The following NRG4 variants were observed in gnomAD, a reference collection of about 807,000 sequenced individuals.
NRG4 encodes neuregulin 4, also known as pro-neuregulin-4, membrane-bound isoform.
A neutral mutation model predicts 15.0 loss-of-function variants in NRG4; 10 were observed. That is an observed-to-expected ratio of 0.67 (90% CI 0.41 to 1.13). The LOEUF (loss-of-function observed/expected upper bound fraction) is 1.13. Ranked by LOEUF, NRG4 falls within the 50% of genes most tolerant of loss-of-function variation. The pLI is 0.00. For missense variants in NRG4, 139 were observed against 140.2 expected (o/e 0.99, Z 0.04); for synonymous variants, 41 against 50.1 (o/e 0.82, Z 0.77).
rs375638068 is a variant in NRG4, at chr15:76,009,259, C to A, written c.45G>T (p.Ser15=). 2 of 1,601,990 alleles carry A rather than the reference C, an allele frequency of 1.2e-6. No homozygotes were observed. The highest frequency in any genetic ancestry group is 1.7e-5 in the Admixed American group (1 of 58,850). ...AACAAAGCCCCCCATTCAGGCAAAA[C>A]GACTTGTGACTGGGACCACAGGGCT... ...HEEPCGPSHK[S]FCLNGGLCYV... Residue 15 remains serine (S), a synonymous_variant, in exon 3 of 6, where the codon TCG becomes TCT. Transcript: ENST00000394907.
At chr15:76,006,616 T>G (rs575379844) in intron 3 of NRG4, among the ~76,000 whole-genome samples, 1 of 152,320 alleles carries the variant, frequency 6.6e-6, no homozygotes, top group East Asian at 1.9e-4. Context: ...TGTTGTGCAA[T>G]GTGGTGACCT....
At chr15:76,028,271 GA>G (rs1567118725) in intron 5 of NRG4, among the ~76,000 whole-genome samples, 1 of 151,322 alleles carries the variant, frequency 6.6e-6, no homozygotes, top group Non-Finnish European at 1.5e-5. Flanking sequence ...GCTAAACTAA[GA>G]AAAAAGAAAA....
At chr15:75,984,280 G>A (rs1210421771) in intron 3 of NRG4, among the ~76,000 whole-genome samples, 2 of 151,336 alleles carry the variant, frequency 1.3e-5, no homozygotes, top group African/African-American at 4.9e-5. Context: ...GGCCTTGCAT[G>A]TGTCACGGCA....
At chr15:75,945,274 AT>A (rs949705067) in intron 5 of NRG4, among the ~76,000 whole-genome samples, 43 of 18,960 alleles carry the variant, frequency 2.3e-3, no homozygotes, top group East Asian at 0.013. Context: ...TTTTTATTTT[AT>A]TTTTTTTGTG....
intron 3 of NRG4, among the ~76,000 whole-genome samples, chr15:75,982,378 A>C (rs2033640543): frequency 1.3e-5 from 2 of 152,226 alleles, no homozygotes; most frequent in Non-Finnish European, 2.9e-5. Flanking sequence ...AGAGAAAAAA[A>C]CATGATCATG....
chr15:76,042,057 T>C (rs2035755802), intron 4 of NRG4, among the ~76,000 whole-genome samples: 1 of 151,966 alleles, frequency 6.6e-6, no homozygotes, highest in East Asian at 1.9e-4. Flanking sequence ...ACATGGAAAT[T>C]AAACAATATG....
intron 2 of NRG4, among the ~76,000 whole-genome samples, chr15:76,054,772 T>C (rs1225549092): frequency 1.3e-5 from 2 of 152,122 alleles, no homozygotes; most frequent in East Asian, 3.8e-4. Context: ...TATATACCAA[T>C]AGAAAATAAA....
rs1417005295 is a variant in NRG4 at position 76,047,547 on chromosome 15, A to G, written c.-105+4520T>C. On this transcript the variant is annotated intron_variant, in intron 4 of 8. Transcript: ENST00000563910. ...CAGAAAGACAAATATGTTCTCACTC[A>G]TATATAGAAGCTAAAAAAAATGAAT... 2.0e-5 allele frequency among the ~76,000 whole-genome samples: 3 copies of G among 150,864 alleles called. 1 individual carries two copies. Among genetic ancestry groups the G allele is most frequent in the Non-Finnish European group, 4.4e-5 (3 of 67,898 alleles).
intron 4 of NRG4, among the ~76,000 whole-genome samples, chr15:75,958,213 C>T (rs1397528045): frequency 1.3e-5 from 2 of 152,052 alleles, no homozygotes; most frequent in Admixed American, 1.3e-4. Flanking sequence ...GGGGTTTCAC[C>T]ATGTTAGCCA....
intron 3 of NRG4, among the ~76,000 whole-genome samples, chr15:75,995,174 C>T (rs931237184): frequency 1.3e-5 from 2 of 151,470 alleles, no homozygotes; most frequent in South Asian, 2.1e-4. Flanking sequence ...GGAGTCGTCT[C>T]ACTCCAGAGT....
chr15:75,941,608 T>C lies in NRG4; in HGVS notation c.*2030A>G, dbSNP rs1454421540. The C allele has an allele frequency of 1.3e-5, 2 of 152,188 alleles. No homozygotes were observed. Among genetic ancestry groups the C allele is most frequent in the Non-Finnish European group, 2.9e-5 (2 of 68,008 alleles). 9.4% of individuals were successfully genotyped at this position (152,188 alleles called of 1,614,324 possible). A position where few individuals can be genotyped will look rare whatever the true frequency, so the allele number is the denominator to read the frequency against. On this transcript the variant is annotated 3_prime_UTR_variant, in exon 6 of 6. Coordinates refer to ENST00000394907, the MANE Select transcript of NRG4 (RefSeq NM_138573.4). Reference sequence around the variant, plus strand: ...TTCAGCCATAAAAAGGAAATCCTTCTACATACTACATCATGGATGAACCTT... The same window carrying C: ...TTCAGCCATAAAAAGGAAATCCTTCCACATACTACATCATGGATGAACCTT...
chr15:75,963,092 A>G (rs2032610882), intron 3 of NRG4, among the ~76,000 whole-genome samples: 1 of 152,242 alleles, frequency 6.6e-6, no homozygotes, highest in African/African-American at 2.4e-5. Flanking sequence ...AAAGCAGTAT[A>G]CAAACAAATA....
intron 4 of NRG4, among the ~76,000 whole-genome samples, chr15:76,050,499 T>G (rs1350557199): frequency 7.6e-6 from 1 of 131,406 alleles, no homozygotes; most frequent in African/African-American, 2.9e-5. Flanking sequence ...TGGAGTGCAA[T>G]GGCTCACTGC....
chr15:76,042,749 T>C (rs1461105450), intron 4 of NRG4, among the ~76,000 whole-genome samples: 1 of 152,052 alleles, frequency 6.6e-6, no homozygotes, highest in African/African-American at 2.4e-5. Flanking sequence ...CTAATACCAA[T>C]ACTACTCAAA....
intron 3 of NRG4, among the ~76,000 whole-genome samples, chr15:75,964,649 G>A (rs1319542374): frequency 6.6e-6 from 1 of 152,154 alleles, no homozygotes; most frequent in Non-Finnish European, 1.5e-5. Context: ...ATTCAGGCCG[G>A]GCACAGTGGC....
intron 3 of NRG4, among the ~76,000 whole-genome samples, chr15:75,967,650 C>A (rs548529887): frequency 6.6e-6 from 1 of 151,674 alleles, no homozygotes; most frequent in Non-Finnish European, 1.5e-5. Flanking sequence ...TTAGTAGAGA[C>A]GGGGTTTCAC....
chr15:76,045,103 C>G lies in NRG4; in HGVS notation c.-105+6964G>C, dbSNP rs1188212424. On this transcript the variant is annotated intron_variant, in intron 4 of 8. Transcript: ENST00000563910. ...TCAAACAACTCTATAGGAAAAAAACCTGATAATCTGGTATTAAAATGGACA... is the reference window on the plus strand; with the variant it reads ...TCAAACAACTCTATAGGAAAAAAACGTGATAATCTGGTATTAAAATGGACA... Among the ~76,000 whole-genome samples the G allele has an allele frequency of 2.0e-5, 3 of 150,726 alleles. No individual in the cohort carries two copies. In the South Asian group the frequency reaches 6.3e-4, roughly 31 times the overall value.
chr15:75,982,917 A>G (rs1595985404), intron 3 of NRG4, among the ~76,000 whole-genome samples: 1 of 152,206 alleles, frequency 6.6e-6, no homozygotes, highest in African/African-American at 2.4e-5. Context: ...AAAACAAAAC[A>G]TCTGAACAGA....
chr15:75,970,281 C>A (rs2141831141), intron 3 of NRG4, among the ~76,000 whole-genome samples: 1 of 152,290 alleles, frequency 6.6e-6, no homozygotes, highest in African/African-American at 2.4e-5. Flanking sequence ...TGAAGAAGCA[C>A]AATAAATGTT....
Sources: allele counts gnomAD v4.1 joint callset (sites outside exome capture counted in the v4.1 genomes callset), GRCh38; gene constraint gnomAD v4.1.1; transcripts MANE v1.5; gene names NCBI Gene and HGNC (gene_info 2026-07-23, HGNC 2026-07-21).